Variants in LRP5 observed in about 807,000 individuals in gnomAD.
The protein encoded by LRP5 is LDL receptor related protein 5, also known as low-density lipoprotein receptor-related protein 5.
In LRP5, 62 loss-of-function variants were observed where a neutral mutation model predicts 154.1. That is an observed-to-expected ratio of 0.40 (90% confidence interval 0.33 to 0.50). The LOEUF (loss-of-function observed/expected upper bound fraction) is 0.50, where lower values mean the gene tolerates loss of function less well. Ranked by LOEUF, LRP5 falls within the 20% of genes least tolerant of loss-of-function variation. LRP5 has a pLI of 0.55. For missense variants in LRP5, 1,915 were observed against 2,336.7 expected (o/e 0.82, Z 3.72); for synonymous variants, 966 against 1,011.5 (o/e 0.96, Z 0.85).
Position 68,413,961 on chromosome 11 carries a change from T to C in LRP5, c.2776T>C (p.Cys926Arg). The C allele has an allele frequency of 6.2e-7, 1 of 1,607,684 alleles. No individual in the cohort carries two copies. ...CCTTGCCATCCCCGGCGGCCACCGC[T>C]GCGGCTGCGCCTCACACTACACCCT... Reference protein sequence around the residue: ...LCLAIPGGHRCGCASHYTLDP... With the variant: ...LCLAIPGGHRRGCASHYTLDP... The change falls in exon 12 of 23, where the codon TGC becomes CGC. Residue 926 changes from cysteine to arginine, a missense_variant. Transcript: ENST00000294304. The surrounding 1 kb of genome is among the most constrained non-coding windows in gnomAD (Gnocchi z 5.1).
intron 1 of LRP5, among the ~76,000 whole-genome samples, chr11:68,333,957 A>T (rs779740247): frequency 6.6e-6 from 1 of 152,050 alleles, no homozygotes; most frequent in African/African-American, 2.4e-5. Flanking sequence ...AAAGAAGCAG[A>T]CCAGGCGCGG....
intron 22 of LRP5, 50 bp from the exon 23 acceptor site, chr11:68,448,759 A>C: frequency 6.3e-7 from 1 of 1,598,660 alleles, no homozygotes; most frequent in South Asian, 1.1e-5. Flanking sequence ...TGTGCCCACC[A>C]GGGCGGATGT....
intron 2 of LRP5, among the ~76,000 whole-genome samples, chr11:68,350,143 T>C (rs1342750829): frequency 6.6e-6 from 1 of 152,188 alleles, no homozygotes; most frequent in Non-Finnish European, 1.5e-5. Flanking sequence ...TTCAAGTGAT[T>C]CTCCTGCCTC....
chr11:68,347,945 G>A lies in LRP5; in HGVS notation c.190G>A (p.Asp64Asn). ...CACCATCGTGGTCAGCGGCCTGGAG[G>A]ATGCGGCCGCAGTGGACTTCCAGTT... ...ESTIVVSGLEDAAAVDFQFSK... is the reference protein window; with the variant it reads ...ESTIVVSGLENAAAVDFQFSK... Residue 64 changes from aspartate (D) to asparagine (N), a missense_variant, in exon 2 of 23, where the codon GAT (aspartate) becomes AAT (asparagine). Asp to Asn is a conservative substitution (Grantham distance 23). Around this residue, in one of 3 missense-constraint regions of LRP5, gnomAD observed 773 missense variants for 1,100.9 expected, o/e 0.70. Transcript: ENST00000294304. The A allele has an allele frequency of 1.2e-6, 2 of 1,614,044 alleles. No homozygotes were observed. The highest frequency in any genetic ancestry group is 1.7e-6 in the Non-Finnish European group (2 of 1,180,046).
chr11:68,422,073 G>A (rs145867130), intron 13 of LRP5, among the ~76,000 whole-genome samples: 26 of 152,118 alleles, frequency 1.7e-4, no homozygotes, highest in East Asian at 7.7e-4. Context: ...GACTGTAGGC[G>A]TGCGTCACCA....
intron 5 of LRP5, among the ~76,000 whole-genome samples, chr11:68,373,010 G>A (rs1475205129): frequency 9.9e-5 from 15 of 152,028 alleles, no homozygotes; most frequent in African/African-American, 4.8e-5. Flanking sequence ...CAGAAGAAAC[G>A]GGGCAGGTGG....
rs549202569 is a variant in LRP5, at chr11:68,423,216, A to G, written c.3028-273A>G. On this transcript the variant is annotated intron_variant, in intron 13 of 22. Coordinates refer to ENST00000294304, the MANE Select transcript of LRP5 (RefSeq NM_002335.4). The surrounding 1 kb of genome is among the most constrained non-coding windows in gnomAD (Gnocchi z 4.7). ...GAGCTCTTCCAGAGGCTGTTGTCCT[A>G]ATCGCTCTGGCATACTCAGGCGGGC... Among the ~76,000 whole-genome samples, 1 of 152,312 alleles carries G rather than the reference A, an allele frequency of 6.6e-6. No individual in the cohort carries two copies. Among genetic ancestry groups the G allele is most frequent in the Non-Finnish European group, 1.5e-5 (1 of 68,024 alleles).
chr11:68,414,484 A>G (rs187449529), intron 12 of LRP5, among the ~76,000 whole-genome samples: 86 of 152,276 alleles, frequency 5.6e-4, no homozygotes, highest in African/African-American at 1.9e-3. Context: ...GGCTGGCTCA[A>G]GAGTCCCTGC....
chr11:68,386,692 C>T lies in LRP5; in HGVS notation c.1392C>T (p.Ile464=), dbSNP rs569443429. The change falls in exon 6 of 23, where the codon ATC becomes ATT. Residue 464 remains isoleucine, a synonymous_variant. Coordinates refer to ENST00000294304, the MANE Select transcript of LRP5 (RefSeq NM_002335.4). This position sits in a 1 kb window ranked among gnomAD's most constrained non-coding sequence, Gnocchi z 7.9. The part of the protein sequence containing the change: ...VSEDLDEPRA[I]ALHPVMGLMY... ...AGGACCTGGACGAGCCCCGAGCCATCGCACTGCACCCCGTGATGGGGTAAG... is the reference window on the plus strand; with the variant it reads ...AGGACCTGGACGAGCCCCGAGCCATTGCACTGCACCCCGTGATGGGGTAAG... 956 of 1,613,236 alleles carry T rather than the reference C, an allele frequency of 5.9e-4. 9 individuals are homozygous for T. The South Asian group carries it at 9.8e-3, about 17-fold the overall frequency.
intron 8 of LRP5, among the ~76,000 whole-genome samples, chr11:68,405,966 C>T (rs77674647): frequency 0.054 from 8,292 of 152,338 alleles, 610 homozygotes; most frequent in African/African-American, 0.16. Flanking sequence ...ATCGCAGGCC[C>T]GGAGGCTGGA....
At chr11:68,317,248 G>C (rs1351641263) in intron 1 of LRP5, among the ~76,000 whole-genome samples, 1 of 152,232 alleles carries the variant, frequency 6.6e-6, no homozygotes, top group Non-Finnish European at 1.5e-5. Context: ...CTGCAAAATC[G>C]GGACGATGGT....
chr11:68,363,674 T>G, intron 3 of LRP5, 73 bp from the exon 4 acceptor site: 1 of 1,221,482 alleles, frequency 8.2e-7, no homozygotes, highest in Non-Finnish European at 1.2e-6. Flanking sequence ...AAAAAAGAAA[T>G]TAATTGGGTC....
At position 68,438,651 on chromosome 11, in the gene LRP5, C is replaced by T. The variant is rs760317428; in HGVS notation, c.4317C>T (p.Ala1439=). Reference sequence around the variant, plus strand: ...CGCACGTGCCCCTCAATTTCATAGCCCCGGGCGGTTCCCAGCATGGCCCCT... The same window carrying T: ...CGCACGTGCCCCTCAATTTCATAGCTCCGGGCGGTTCCCAGCATGGCCCCT... ...GTPHVPLNFI[A]PGGSQHGPFT... is the part of the protein sequence containing the mutation. The change falls in exon 20 of 23, where the codon GCC becomes GCT. Residue 1439 remains alanine (A), a synonymous_variant. Coordinates refer to ENST00000294304, the MANE Select transcript of LRP5 (RefSeq NM_002335.4). The T allele has an allele frequency of 3.1e-6, 5 of 1,613,204 alleles. No individual in the cohort carries two copies. Among genetic ancestry groups the T allele is most frequent in the Non-Finnish European group, 4.2e-6 (5 of 1,179,988 alleles).
intron 15 of LRP5, 133 bp downstream of exon 15, chr11:68,425,425 G>C: frequency 1.1e-6 from 1 of 916,116 alleles, no homozygotes; most frequent in Non-Finnish European, 1.7e-6. Context: ...AGCGTGTTTT[G>C]TCCTCACACT....
At chr11:68,422,858 CG>C (rs1278706136) in intron 13 of LRP5, among the ~76,000 whole-genome samples, 3 of 151,044 alleles carry the variant, frequency 2.0e-5, no homozygotes, top group Non-Finnish European at 3.0e-5. Context: ...CCCACTCACC[CG>C]CCCCTGCACC....
At chr11:68,411,667 G>A (rs1276458649) in intron 11 of LRP5, 47 bp downstream of exon 11, 19 of 1,562,684 alleles carry the variant, frequency 1.2e-5, no homozygotes, top group Admixed American at 8.7e-5. Context: ...CGGGGCAGCC[G>A]GGCGTTGGCC....
the LRP5 span, among the ~76,000 whole-genome samples, chr11:68,303,740 A>G: frequency 6.6e-6 from 1 of 152,134 alleles, no homozygotes; most frequent in Non-Finnish European, 1.5e-5. Flanking sequence ...TGATCTGCCC[A>G]CCTAGGCCTC....
Position 68,404,976 on chromosome 11 carries a change from CA to C in LRP5, c.1801+1293del, listed in dbSNP as rs57270982. Among the ~76,000 whole-genome samples, 224 of 41,028 alleles carry C rather than the reference CA, an allele frequency of 5.5e-3. 1 individual carries two copies. The highest frequency in any genetic ancestry group is 7.3e-3 in the East Asian group (12 of 1,652). 26.9% of individuals were successfully genotyped at this position (41,028 alleles called of 152,430 possible). ...TGGGCGACAGAGCGAGACTCCGTCT[CA>C]AAAAAAAAAAAAAAAGTCCAAAAAA... is the stretch of plus-strand genomic sequence containing the variant. On this transcript the variant is annotated intron_variant, in intron 8 of 22. Transcript: ENST00000294304.
chr11:68,409,101 C>CACATACATATAT (rs1554970823), intron 9 of LRP5, among the ~76,000 whole-genome samples: 1 of 80,436 alleles, frequency 1.2e-5, no homozygotes, highest in African/African-American at 5.8e-5. Flanking sequence ...TATATACACA[C>CACATACATATAT]ACATACACGC....
Sources: allele counts gnomAD v4.1 joint callset (sites outside exome capture counted in the v4.1 genomes callset), GRCh38; gene constraint gnomAD v4.1.1; regional missense constraint gnomAD v4.1.1; non-coding constraint Gnocchi (gnomAD v3.1); transcripts MANE v1.5; gene names NCBI Gene and HGNC (gene_info 2026-07-23, HGNC 2026-07-21).